The following DCC variants were observed in gnomAD, a reference collection of about 807,000 sequenced individuals.
DCC encodes netrin receptor DCC.
DCC carries 58 observed loss-of-function variants against 172.5 expected under a neutral mutation model. That is an observed-to-expected ratio of 0.34 (90% CI 0.27 to 0.42). DCC has a LOEUF of 0.42. Ranked by LOEUF, DCC falls within the 10% of genes least tolerant of loss-of-function variation. The probability of loss-of-function intolerance (pLI) is 1.00; values close to 1 mark genes in which losing one functional copy is unlikely to be tolerated. For missense variants in DCC, 1,740 were observed against 1,791.0 expected (o/e 0.97, Z 0.51); for synonymous variants, 709 against 644.5 (o/e 1.10, Z -1.52).
chr18:52,891,223 A>G (rs561606955), intron 2 of DCC, among the ~76,000 whole-genome samples: 1 of 152,212 alleles, frequency 6.6e-6, no homozygotes, highest in South Asian at 2.1e-4. Flanking sequence ...CTCTATTAAG[A>G]ACCCTGATGA....
chr18:52,584,266 C>G (rs2033620438), intron 1 of DCC, among the ~76,000 whole-genome samples: 1 of 152,184 alleles, frequency 6.6e-6, no homozygotes. Flanking sequence ...GGTCTCATTT[C>G]CATTTATGAG....
intron 7 of DCC, among the ~76,000 whole-genome samples, chr18:53,068,799 A>G (rs7231113): frequency 0.32 from 45,923 of 142,166 alleles, 8,484 homozygotes; most frequent in African/African-American, 0.55. Flanking sequence ...GTGTGTGTGT[A>G]TGTGTATGTG....
intron 10 of DCC, among the ~76,000 whole-genome samples, chr18:53,206,778 C>T (rs2055656014): frequency 6.6e-6 from 1 of 150,398 alleles, no homozygotes; most frequent in South Asian, 2.1e-4. Flanking sequence ...CAAAAATTGG[C>T]CCCAGGATAT....
At chr18:52,625,201 A>T (rs2034551302) in intron 1 of DCC, among the ~76,000 whole-genome samples, 1 of 152,188 alleles carries the variant, frequency 6.6e-6, no homozygotes, top group Admixed American at 6.5e-5. Context: ...TCTGTCATTG[A>T]CGAAAATGTC....
At chr18:52,692,248 CA>C in intron 1 of DCC, among the ~76,000 whole-genome samples, 1 of 152,178 alleles carries the variant, frequency 6.6e-6, no homozygotes, top group African/African-American at 2.4e-5. Flanking sequence ...CAAATGGAAA[CA>C]AAAGGATCTT....
chr18:53,485,181 T>G (rs551266526), intron 25 of DCC, among the ~76,000 whole-genome samples: 1 of 152,154 alleles, frequency 6.6e-6, no homozygotes, highest in South Asian at 2.1e-4. Context: ...TGTGAGCCGA[T>G]AGATATGTTA....
At chr18:52,995,310 T>A (rs2041460465) in intron 5 of DCC, among the ~76,000 whole-genome samples, 1 of 152,080 alleles carries the variant, frequency 6.6e-6, no homozygotes, top group African/African-American at 2.4e-5. Context: ...GTCAGCAGAT[T>A]TAAAGTCAGC....
At chr18:53,497,134 G>A (rs556532186) in intron 26 of DCC, among the ~76,000 whole-genome samples, 2 of 152,244 alleles carry the variant, frequency 1.3e-5, no homozygotes, top group African/African-American at 4.8e-5. Flanking sequence ...TTAATGAAAA[G>A]CTAGCCCATT....
intron 1 of DCC, among the ~76,000 whole-genome samples, chr18:52,647,251 C>T (rs17681801): frequency 0.39 from 58,591 of 152,012 alleles, 11,783 homozygotes; most frequent in East Asian, 0.68. Flanking sequence ...GACTTTGGTC[C>T]TCACTCCTTT....
chr18:53,065,661 A>G (rs1230431619), intron 6 of DCC, among the ~76,000 whole-genome samples: 1 of 151,934 alleles, frequency 6.6e-6, no homozygotes, highest in Non-Finnish European at 1.5e-5. Context: ...TTTTTTCCTG[A>G]GCAGCTACTA....
intron 12 of DCC, among the ~76,000 whole-genome samples, chr18:53,256,546 G>C (rs561778317): frequency 2.6e-5 from 4 of 151,964 alleles, no homozygotes; most frequent in Non-Finnish European, 5.9e-5. Context: ...ATTTCTGAGG[G>C]CTCTGTTCTG....
At position 53,178,966 on chromosome 18, in the gene DCC, C is replaced by T; in HGVS notation, c.1423C>T (p.Arg475Ter). Residue 475 changes from arginine to a stop codon, truncating the protein, a stop_gained, in exon 9 of 29, where the codon CGA (arginine) becomes TGA (stop). Transcript: ENST00000442544. LOFTEE classifies it high-confidence loss of function. ...TCTGCAACTTTGATTTCTCAGGGAA[C>T]GAGCATTGAATACAACACAGCCTGG... Reference protein sequence around the residue: ...FFSREGDNRERALNTTQPGSL... With the variant: ...FFSREGDNRE The T allele has an allele frequency of 2.5e-6, 4 of 1,613,880 alleles. No homozygotes were observed. Among genetic ancestry groups the T allele is most frequent in the Non-Finnish European group, 2.5e-6 (3 of 1,179,864 alleles).
chr18:53,410,308 G>T (rs1909904751), intron 19 of DCC, 144 bp from the exon 20 acceptor site: 2 of 643,156 alleles, frequency 3.1e-6, no homozygotes, highest in Non-Finnish European at 5.6e-6. Flanking sequence ...ATGAAAAAAA[G>T]ACATTACTTA....
chr18:52,984,331 C>T (rs1011658710), intron 5 of DCC, among the ~76,000 whole-genome samples: 28 of 152,096 alleles, frequency 1.8e-4, no homozygotes, highest in Admixed American at 1.8e-3. Flanking sequence ...AGTGGGAGGA[C>T]TTAGGTTTTC....
intron 5 of DCC, among the ~76,000 whole-genome samples, chr18:53,050,489 C>A (rs964259847): frequency 2.0e-5 from 3 of 152,068 alleles, no homozygotes; most frequent in Non-Finnish European, 4.4e-5. Flanking sequence ...AGATCTTTCA[C>A]CTTCCTGGTT....
At chr18:52,507,365 G>T (rs1295852611) in intron 1 of DCC, among the ~76,000 whole-genome samples, 2 of 152,182 alleles carry the variant, frequency 1.3e-5, no homozygotes, top group African/African-American at 4.8e-5. Flanking sequence ...GTATAAAACT[G>T]ATTGCACTGA....
intron 2 of DCC, among the ~76,000 whole-genome samples, chr18:52,872,206 T>C (rs947158377): frequency 5.9e-5 from 9 of 152,076 alleles, no homozygotes; most frequent in African/African-American, 1.9e-4. Flanking sequence ...ACAGAAAGAA[T>C]GGGGGCTTGG....
intron 1 of DCC, among the ~76,000 whole-genome samples, chr18:52,373,887 CATTT>C (rs1229729423): frequency 3.5e-5 from 5 of 141,112 alleles, no homozygotes; most frequent in African/African-American, 7.9e-5. Flanking sequence ...TTGGTTGCAT[CATTT>C]TTTTTTTTTT....
At chr18:53,217,256 A>G (rs981333158) in intron 12 of DCC, among the ~76,000 whole-genome samples, 16 of 134,442 alleles carry the variant, frequency 1.2e-4, no homozygotes, top group African/African-American at 4.6e-4. Flanking sequence ...TTGACTATAT[A>G]TATTATACAC....
Sources: allele counts gnomAD v4.1 joint callset (sites outside exome capture counted in the v4.1 genomes callset), GRCh38; gene constraint gnomAD v4.1.1; transcripts MANE v1.5; gene names NCBI Gene and HGNC (gene_info 2026-07-23, HGNC 2026-07-21).